CNTLN: variants seen among roughly 807,000 people sequenced by gnomAD.
CNTLN encodes centlein.
In CNTLN, 212 loss-of-function variants were observed where a neutral mutation model predicts 180.0. The ratio of observed to expected loss-of-function variants is 1.18; its 90% CI spans 1.05 to 1.32. The LOEUF is 1.32. CNTLN is among the 40% of genes most tolerant of loss of function. The probability of loss-of-function intolerance (pLI) is 0.00; values close to 1 mark genes in which losing one functional copy is unlikely to be tolerated. For synonymous variants in CNTLN, 722 were observed against 563.1 expected, an observed-to-expected ratio of 1.28 and a Z score of -3.99; for missense variants, 2,095 against 1,610.9, an observed-to-expected ratio of 1.30 and a Z score of -5.14.
chr9:17,294,334 CGATTGGTTTTACAGAGAGCT>C (rs1391187097), intron 6 of CNTLN, among the ~76,000 whole-genome samples: 12 of 151,880 alleles, frequency 7.9e-5, no homozygotes, highest in African/African-American at 7.3e-5. Flanking sequence ...TACAGAGAGC[CGATTGGTTTTACAGAGAGCT>C]GATTGGTCCA....
chr9:17,317,159 T>G (rs904537429), intron 8 of CNTLN, among the ~76,000 whole-genome samples: 6 of 152,132 alleles, frequency 3.9e-5, no homozygotes, highest in Non-Finnish European at 7.4e-5. Flanking sequence ...CATACATATG[T>G]GGAGTTTGAA....
chr9:17,313,987 G>T (rs1819378958), intron 8 of CNTLN, among the ~76,000 whole-genome samples: 1 of 152,066 alleles, frequency 6.6e-6, no homozygotes, highest in Non-Finnish European at 1.5e-5. Context: ...GCCTGCCTTG[G>T]CCTCCTGAAG....
chr9:17,203,454 C>G (rs369185160), intron 2 of CNTLN, among the ~76,000 whole-genome samples: 42 of 152,270 alleles, frequency 2.8e-4, no homozygotes, highest in African/African-American at 9.6e-4. Context: ...CATTCTGTCA[C>G]TTTACGGTAC....
intron 8 of CNTLN, among the ~76,000 whole-genome samples, chr9:17,317,259 C>G (rs781634570): frequency 1.3e-5 from 2 of 152,016 alleles, no homozygotes; most frequent in Admixed American, 6.5e-5. Context: ...CCTCAAAATA[C>G]GTACATTTTA....
intron 2 of CNTLN, chr9:17,168,540 A>G (rs1820231514): frequency 6.6e-6 from 1 of 152,166 alleles, no homozygotes; most frequent in Non-Finnish European, 1.5e-5. Context: ...GATATTAAGA[A>G]TTAAATAAAA....
intron 5 of CNTLN, among the ~76,000 whole-genome samples, chr9:17,256,594 T>C (rs1826507984): frequency 6.6e-6 from 1 of 151,840 alleles, no homozygotes; most frequent in Non-Finnish European, 1.5e-5. Flanking sequence ...CTTAGTTGTC[T>C]TTTATTTGCA....
At chr9:17,219,755 G>A (rs549633335) in intron 2 of CNTLN, among the ~76,000 whole-genome samples, 48 of 151,950 alleles carry the variant, frequency 3.2e-4, no homozygotes, top group African/African-American at 1.1e-3. Flanking sequence ...CAGAATCCTG[G>A]GTGGCTTAAA....
chr9:17,514,615 T>C, the CNTLN span, among the ~76,000 whole-genome samples: 2 of 152,064 alleles, frequency 1.3e-5, no homozygotes, highest in African/African-American at 2.4e-5. Context: ...TAAGTAAAAA[T>C]AGAAATTTTA....
chr9:17,417,507 A>C (rs955957488), intron 18 of CNTLN, among the ~76,000 whole-genome samples: 5 of 152,092 alleles, frequency 3.3e-5, no homozygotes, highest in African/African-American at 1.2e-4. Context: ...TACAAAAAAC[A>C]TTTGAACTTT....
intron 5 of CNTLN, among the ~76,000 whole-genome samples, chr9:17,267,182 G>C (rs1405125153): frequency 5.3e-5 from 8 of 152,208 alleles, no homozygotes; most frequent in South Asian, 2.1e-4. Context: ...GGTACCGGTT[G>C]TTCCTTTCCA....
intron 5 of CNTLN, among the ~76,000 whole-genome samples, chr9:17,262,955 A>G (rs189661722): frequency 6.6e-6 from 1 of 151,234 alleles, no homozygotes; most frequent in East Asian, 1.9e-4. Flanking sequence ...CTCTGTGTCT[A>G]TTGAGATGAT....
At chr9:17,485,507 T>C (rs370732900) in intron 24 of CNTLN, among the ~76,000 whole-genome samples, 2 of 152,232 alleles carry the variant, frequency 1.3e-5, no homozygotes, top group East Asian at 3.9e-4. Context: ...AAGAACAATA[T>C]CACATATAGT....
chr9:17,521,483 C>T, the CNTLN span, among the ~76,000 whole-genome samples: 17 of 151,794 alleles, frequency 1.1e-4, no homozygotes, highest in Non-Finnish European at 2.4e-4. Flanking sequence ...TCTTTTTTTC[C>T]CCCGAATTCA....
intron 18 of CNTLN, among the ~76,000 whole-genome samples, chr9:17,424,920 T>C (rs1828976028): frequency 6.6e-6 from 1 of 152,174 alleles, no homozygotes; most frequent in Admixed American, 6.5e-5. Flanking sequence ...AAAACTCTAT[T>C]CTTATAAATT....
At chr9:17,293,792 G>C (rs1010855930) in intron 6 of CNTLN, among the ~76,000 whole-genome samples, 2 of 152,124 alleles carry the variant, frequency 1.3e-5, no homozygotes, top group Admixed American at 6.5e-5. Context: ...CCCATTGGCT[G>C]CTGAGAGGCC....
chr9:17,294,400 C>T (rs1023186684), intron 6 of CNTLN, among the ~76,000 whole-genome samples: 1 of 143,730 alleles, frequency 7.0e-6, no homozygotes, highest in Non-Finnish European at 1.5e-5. Flanking sequence ...TTTACAATCC[C>T]TGAGCTAGAC....
chr9:17,294,844 A>T (rs1422155654), intron 6 of CNTLN, among the ~76,000 whole-genome samples: 1 of 17,334 alleles, frequency 5.8e-5, no homozygotes, highest in African/African-American at 2.4e-4. Context: ...AGGAGGGGGG[A>T]GGGCGGGGAG....
At chr9:17,243,935 G>A (rs1469932348) in intron 5 of CNTLN, among the ~76,000 whole-genome samples, 1 of 151,696 alleles carries the variant, frequency 6.6e-6, no homozygotes, top group Non-Finnish European at 1.5e-5. Context: ...ATTGTATTGG[G>A]GACTATCTTT....
chr9:17,268,406 C>G (rs1827664316), intron 5 of CNTLN, among the ~76,000 whole-genome samples: 1 of 152,142 alleles, frequency 6.6e-6, no homozygotes, highest in Non-Finnish European at 1.5e-5. Flanking sequence ...AGTTTTGTCT[C>G]AGAGGAGTAC....
Sources: gnomAD v4.1 joint callset for allele counts (sites outside exome capture counted in the v4.1 genomes callset) on GRCh38, gnomAD v4.1.1 for gene constraint, MANE v1.5 for transcripts, NCBI Gene and HGNC (gene_info 2026-07-23, HGNC 2026-07-21) for gene names.